The following ZC4H2 variants were observed in gnomAD, a reference collection of about 807,000 sequenced individuals.
The protein encoded by ZC4H2 is zinc finger C4H2 domain-containing protein.
For missense variants in ZC4H2, 137 were observed against 173.9 expected, an observed-to-expected ratio of 0.79 and a Z score of 1.19; for synonymous variants, 84 against 66.3, an observed-to-expected ratio of 1.27 and a Z score of -1.30.
At chrX:64,971,164 G>A (rs775136405) in intron 1 of ZC4H2, among the ~76,000 whole-genome samples, 20 of 112,207 alleles carry the variant, frequency 1.8e-4, no homozygotes, top group African/African-American at 5.2e-4. Flanking sequence ...ATAATGGGAC[G>A]CAGCCTGTAT....
At chrX:64,990,126 C>T (rs1932280862) in intron 1 of ZC4H2, among the ~76,000 whole-genome samples, 1 of 111,988 alleles carries the variant, frequency 8.9e-6, no homozygotes, top group Non-Finnish European at 1.9e-5. Context: ...CTGAAAACAA[C>T]CTATATGTTC....
intron 1 of ZC4H2, among the ~76,000 whole-genome samples, chrX:65,002,018 T>C (rs1348913095): frequency 9.0e-6 from 1 of 111,114 alleles, no homozygotes; most frequent in African/African-American, 3.3e-5. Context: ...CCACTGTCAA[T>C]ATTAGACAGA....
intron 1 of ZC4H2, among the ~76,000 whole-genome samples, chrX:64,959,996 C>A (rs1435556580): frequency 9.0e-6 from 1 of 110,986 alleles, no homozygotes; most frequent in African/African-American, 3.3e-5. Context: ...CCAGGCATAA[C>A]TAAAAACAGA....
intron 1 of ZC4H2, among the ~76,000 whole-genome samples, chrX:64,974,997 A>AT (rs1569221412): frequency 9.2e-6 from 1 of 108,569 alleles, no homozygotes. Flanking sequence ...AAAAAAAAAA[A>AT]AATTGCAACA....
chrX:64,922,586 T>A (rs144498533), intron 1 of ZC4H2, among the ~76,000 whole-genome samples: 6,741 of 112,353 alleles, frequency 0.06, 205 homozygotes, highest in Non-Finnish European at 0.097. Context: ...TGGCATTTAG[T>A]GGACATGGGC....
At chrX:64,954,947 C>G (rs1171976470) in intron 1 of ZC4H2, among the ~76,000 whole-genome samples, 1 of 111,561 alleles carries the variant, frequency 9.0e-6, no homozygotes, top group Non-Finnish European at 1.9e-5. Context: ...GGAGAAATAA[C>G]TGGTATTCAA....
In ZC4H2 at chrX:64,984,424, G is replaced by A. The variant is rs1462684895; in HGVS notation, c.-272+50205C>T. On this transcript the variant is annotated intron_variant, in intron 1 of 4. Coordinates refer to the ZC4H2 transcript ENST00000337990. ...ATTTTTAAGAACAGTTTGATGGGCA[G>A]AGGACTAGGGAATGGGGAATGCTGT... Among the ~76,000 whole-genome samples the A allele has an allele frequency of 6.3e-5, 7 of 111,836 alleles. No homozygotes were observed. In the East Asian group the frequency reaches 2.0e-3, roughly 32 times the overall value.
At chrX:65,012,224 C>CAAAAAAAAAAAAAAAAAAAAAAAAAA (rs10606871) in intron 1 of ZC4H2, among the ~76,000 whole-genome samples, 1 of 25,334 alleles carries the variant, frequency 3.9e-5, no homozygotes, top group African/African-American at 9.5e-5. Context: ...GACCCCGTCT[C>CAAAAAAAAAAAAAAAAAAAAAAAAAA]AAAAAAAAAA....
At chrX:64,970,058 G>T in intron 1 of ZC4H2, among the ~76,000 whole-genome samples, 1 of 111,578 alleles carries the variant, frequency 9.0e-6, no homozygotes. Context: ...GCCACCAAAG[G>T]ATAGCCCAGC....
intron 1 of ZC4H2, among the ~76,000 whole-genome samples, chrX:64,962,141 A>C (rs1931417713): frequency 8.9e-6 from 1 of 111,816 alleles, no homozygotes; most frequent in South Asian, 3.7e-4. Context: ...ATCTCTGATG[A>C]ATATACAGGT....
intron 1 of ZC4H2, among the ~76,000 whole-genome samples, chrX:65,019,166 G>A (rs1932817321): frequency 8.9e-6 from 1 of 111,736 alleles, no homozygotes; most frequent in South Asian, 3.7e-4. Flanking sequence ...GATCACCCAG[G>A]ACAGCATTCA....
At position 64,983,539 on chromosome X, in the gene ZC4H2, T is replaced by C. The variant is rs766534778; in HGVS notation, c.-272+51090A>G. 1.2e-3 allele frequency among the ~76,000 whole-genome samples: 135 copies of C among 111,691 alleles called. 1 individual carries two copies. Among genetic ancestry groups the C allele is most frequent in the Middle Eastern group, 4.7e-3 (1 of 214 alleles). ...CCAATCTGTCATAAAATTGAGGATATAACAAATTTATACATCTGACATTAT... is the reference window on the plus strand; with the variant it reads ...CCAATCTGTCATAAAATTGAGGATACAACAAATTTATACATCTGACATTAT... On this transcript the variant is annotated intron_variant, in intron 1 of 4. Transcript: ENST00000337990.
intron 1 of ZC4H2, among the ~76,000 whole-genome samples, chrX:64,933,774 C>T (rs1427664938): frequency 9.0e-6 from 1 of 110,870 alleles, no homozygotes; most frequent in African/African-American, 3.3e-5. Flanking sequence ...TCATGGTGTA[C>T]ACTTTATTTG....
chrX:64,987,368 C>A (rs1569224691), intron 1 of ZC4H2, among the ~76,000 whole-genome samples: 1 of 110,618 alleles, frequency 9.0e-6, no homozygotes, highest in East Asian at 2.8e-4. Flanking sequence ...GTAATCAAGG[C>A]TGTGTAGTAT....
rs1490545502 is a variant in ZC4H2, at chrX:64,929,029, C to G, written c.54-7041G>C. Among the ~76,000 whole-genome samples, 4 of 108,441 alleles carry G rather than the reference C, an allele frequency of 3.7e-5. No individual in the cohort carries two copies. In the South Asian group the frequency reaches 1.2e-3, roughly 33 times the overall value. The allele number at this position is 108,441 out of a possible 115,157, so 94.2% of individuals were successfully genotyped here. On this transcript the variant is annotated intron_variant, in intron 1 of 4. Transcript: ENST00000374839. ...TCAGCCTCCCAAATACCTGGGACCA[C>G]AAGCATAAGCCACCGTGCCAGCTAA... is the stretch of plus-strand genomic sequence containing the variant.
At chrX:64,955,802 C>T (rs150507093) in intron 1 of ZC4H2, among the ~76,000 whole-genome samples, 21 of 112,153 alleles carry the variant, frequency 1.9e-4, no homozygotes, top group African/African-American at 5.5e-4. Flanking sequence ...CAGCCTTATA[C>T]ATGGATAACC....
At chrX:64,946,648 C>G (rs1025093131) in intron 1 of ZC4H2, among the ~76,000 whole-genome samples, 1 of 110,178 alleles carries the variant, frequency 9.1e-6, no homozygotes, top group African/African-American at 3.3e-5. Flanking sequence ...TGGGGATAAA[C>G]CCTGGTTGTT....
At chrX:64,960,010 A>G (rs775035805) in intron 1 of ZC4H2, among the ~76,000 whole-genome samples, 25 of 111,438 alleles carry the variant, frequency 2.2e-4, no homozygotes, top group African/African-American at 7.8e-4. Flanking sequence ...AAACAGAAAA[A>G]AACTGACAAA....
chrX:65,019,331 A>T (rs1366396924), intron 1 of ZC4H2, among the ~76,000 whole-genome samples: 1 of 112,144 alleles, frequency 8.9e-6, no homozygotes, highest in Non-Finnish European at 1.9e-5. Context: ...AAGCTTCGAG[A>T]GGAAGGAACA....
Sources: gnomAD v4.1 joint callset for allele counts (sites outside exome capture counted in the v4.1 genomes callset) on GRCh38, gnomAD v4.1.1 for gene constraint, MANE v1.5 for transcripts, NCBI Gene and HGNC (gene_info 2026-07-23, HGNC 2026-07-21) for gene names.